GRIP1: variants seen among roughly 807,000 people sequenced by gnomAD.
The protein encoded by GRIP1 is glutamate receptor-interacting protein 1.
A neutral mutation model predicts 129.9 loss-of-function variants in GRIP1; 45 were observed. The observed-to-expected ratio is 0.35, with a 90% CI of 0.27 to 0.44. GRIP1 has a LOEUF of 0.44. Ranked by LOEUF, GRIP1 falls within the 20% of genes least tolerant of loss-of-function variation. The probability of loss-of-function intolerance (pLI) is 1.00; values close to 1 mark genes in which losing one functional copy is unlikely to be tolerated. For missense variants in GRIP1, 1,196 were observed against 1,396.8 expected, an observed-to-expected ratio of 0.86 and a Z score of 2.29; for synonymous variants, 530 against 520.8, an observed-to-expected ratio of 1.02 and a Z score of -0.24.
chr12:66,961,738 C>T (rs2137535838), intron 1 of GRIP1, among the ~76,000 whole-genome samples: 1 of 151,918 alleles, frequency 6.6e-6, no homozygotes, highest in African/African-American at 2.4e-5. Flanking sequence ...TGTCTGTGTC[C>T]CCACTAAATT....
At chr12:66,555,319 T>C (rs1428710223) in intron 2 of GRIP1, among the ~76,000 whole-genome samples, 2 of 151,868 alleles carry the variant, frequency 1.3e-5, no homozygotes, top group Admixed American at 6.6e-5. Context: ...CCTCTATGAG[T>C]CTATAAGAGC....
chr12:66,415,088 A>G (rs2057550821), intron 15 of GRIP1, among the ~76,000 whole-genome samples: 1 of 152,050 alleles, frequency 6.6e-6, no homozygotes, highest in Admixed American at 6.5e-5. Context: ...AGATTTCATG[A>G]CGAAAATGCC....
intron 19 of GRIP1, among the ~76,000 whole-genome samples, chr12:66,391,873 A>C (rs1265582286): frequency 1.3e-5 from 2 of 152,024 alleles, no homozygotes; most frequent in Non-Finnish European, 2.9e-5. Context: ...AAAAGTCAGG[A>C]GTGTGCAGGA....
chr12:66,589,362 T>G (rs1015373547), intron 2 of GRIP1, among the ~76,000 whole-genome samples: 1 of 152,150 alleles, frequency 6.6e-6, no homozygotes, highest in African/African-American at 2.4e-5. Context: ...TTTCTTTTCA[T>G]TTGTTAAAAG....
At chr12:66,355,147 C>T (rs768209549) in intron 23 of GRIP1, among the ~76,000 whole-genome samples, 26 of 152,142 alleles carry the variant, frequency 1.7e-4, no homozygotes, top group Admixed American at 1.2e-3. Flanking sequence ...CACCCCAGAC[C>T]GACTGAGAAT....
intron 7 of GRIP1, among the ~76,000 whole-genome samples, chr12:66,467,842 C>T (rs1376985126): frequency 2.0e-5 from 3 of 152,218 alleles, no homozygotes; most frequent in African/African-American, 7.2e-5. Context: ...TTCTCAAACC[C>T]ACTTTCCATG....
At chr12:66,641,385 T>A (rs1788435113) in intron 1 of GRIP1, among the ~76,000 whole-genome samples, 1 of 152,154 alleles carries the variant, frequency 6.6e-6, no homozygotes, top group South Asian at 2.1e-4. Context: ...TAAGTCAGAT[T>A]GGGGGAGGAA....
At chr12:66,713,732 A>G (rs2035783609) in intron 1 of GRIP1, among the ~76,000 whole-genome samples, 1 of 151,906 alleles carries the variant, frequency 6.6e-6, no homozygotes, top group African/African-American at 2.4e-5. Context: ...TTTACTTTAT[A>G]CCTGTTTTTG....
intron 8 of GRIP1, among the ~76,000 whole-genome samples, chr12:66,464,536 C>T (rs563130423): frequency 6.6e-6 from 1 of 152,234 alleles, no homozygotes; most frequent in South Asian, 2.1e-4. Context: ...TTTATGGTAG[C>T]AGGATTTAAT....
At chr12:66,465,214 G>C in intron 8 of GRIP1, 61 bp downstream of exon 8, 7 of 1,474,374 alleles carry the variant, frequency 4.7e-6, no homozygotes, top group Non-Finnish European at 6.6e-6. Context: ...CCAAAGTGTT[G>C]GGATTACAGG....
At chr12:67,057,436 TA>T (rs71088237) in intron 1 of GRIP1, among the ~76,000 whole-genome samples, 25,324 of 126,720 alleles carry the variant, frequency 0.2, 2,656 homozygotes, top group Non-Finnish European at 0.27. Context: ...TCCAAGAACG[TA>T]AAAAAAAAAA....
chr12:66,996,565 C>CT (rs1216615964), intron 1 of GRIP1, among the ~76,000 whole-genome samples: 1 of 152,072 alleles, frequency 6.6e-6, no homozygotes, highest in Non-Finnish European at 1.5e-5. Flanking sequence ...CTTTGCTACA[C>CT]AAGGGAATAG....
chr12:66,521,929 T>C (rs12580668), intron 5 of GRIP1, among the ~76,000 whole-genome samples: 1,832 of 152,256 alleles, frequency 0.012, 42 homozygotes, highest in East Asian at 0.1. Context: ...GAGATCAAAC[T>C]GCAAGGCGGC....
intron 1 of GRIP1, among the ~76,000 whole-genome samples, chr12:66,861,226 A>C (rs1030248191): frequency 6.6e-6 from 1 of 152,170 alleles, no homozygotes; most frequent in Non-Finnish European, 1.5e-5. Flanking sequence ...ATTTCAAAAA[A>C]GTGTCATACC....
chr12:66,596,916 A>G lies in GRIP1; in HGVS notation c.67T>C (p.Tyr23His). Residue 23 changes from tyrosine (Y) to histidine (H), a missense_variant, in exon 2 of 25, where the codon TAC (tyrosine) becomes CAC (histidine). By Grantham distance (83) the Tyr-to-His change is moderately conservative. Coordinates refer to ENST00000359742, the MANE Select transcript of GRIP1 (RefSeq NM_001366722.1). ...LRRLTKDESPYTKSASQTKPP... is the reference protein window; with the variant it reads ...LRRLTKDESPHTKSASQTKPP... ...TTTGTCTGGCTGGCGGATTTAGTGTAGGGACTCTCATCTGCAAAGGTACAA... is the reference window on the plus strand; with the variant it reads ...TTTGTCTGGCTGGCGGATTTAGTGTGGGGACTCTCATCTGCAAAGGTACAA... 1 of 1,611,080 alleles carries G rather than the reference A, an allele frequency of 6.2e-7. No homozygotes were observed. The highest frequency in any genetic ancestry group is 8.5e-7 in the Non-Finnish European group (1 of 1,177,178).
chr12:66,395,403 T>C (rs2056750748), intron 16 of GRIP1, among the ~76,000 whole-genome samples: 1 of 152,200 alleles, frequency 6.6e-6, no homozygotes, highest in South Asian at 2.1e-4. Context: ...GACTACATCC[T>C]AGTGAAGCAT....
chr12:66,397,511 TAAA>T (rs869155182), intron 16 of GRIP1, among the ~76,000 whole-genome samples: 2 of 129,440 alleles, frequency 1.5e-5, no homozygotes, highest in Non-Finnish European at 3.3e-5. Context: ...AGACACCCTC[TAAA>T]AAAAAAAAAA....
intron 5 of GRIP1, among the ~76,000 whole-genome samples, chr12:66,528,219 C>A (rs2061329638): frequency 6.8e-6 from 1 of 148,100 alleles, no homozygotes; most frequent in Non-Finnish European, 1.5e-5. Context: ...ACTGCAAGCT[C>A]CACCTCCCGG....
chr12:66,744,650 G>C (rs1177014792), intron 1 of GRIP1, among the ~76,000 whole-genome samples: 2 of 152,092 alleles, frequency 1.3e-5, no homozygotes, highest in Non-Finnish European at 2.9e-5. Context: ...CTAGAGGCCT[G>C]GCCCATCAGC....
Sources: gnomAD v4.1 joint callset for allele counts (sites outside exome capture counted in the v4.1 genomes callset) on GRCh38, gnomAD v4.1.1 for gene constraint, MANE v1.5 for transcripts, NCBI Gene and HGNC (gene_info 2026-07-23, HGNC 2026-07-21) for gene names.